TMEM267: variants seen among roughly 807,000 people sequenced by gnomAD.
TMEM267 encodes transmembrane protein 267.
TMEM267 carries 20 observed loss-of-function variants against 19.3 expected under a neutral mutation model. The ratio of observed to expected loss-of-function variants is 1.04; its 90% CI spans 0.73 to 1.51. The LOEUF is 1.51. Among genes scored for constraint, TMEM267 ranks in the 40% most tolerant of loss-of-function variants. TMEM267 has a pLI of 0.00. For synonymous variants in TMEM267, 88 were observed against 90.3 expected, an observed-to-expected ratio of 0.97 and a Z score of 0.15; for missense variants, 242 against 261.9, an observed-to-expected ratio of 0.92 and a Z score of 0.52.
At chr5:43,472,526 A>C (rs1473804733) in intron 1 of TMEM267, among the ~76,000 whole-genome samples, 1 of 152,228 alleles carries the variant, frequency 6.6e-6, no homozygotes, top group Non-Finnish European at 1.5e-5. Context: ...AATAGCTAAG[A>C]TGTGGAAGCA....
At chr5:43,482,131 C>T (rs1017021039) in intron 1 of TMEM267, among the ~76,000 whole-genome samples, 1 of 152,202 alleles carries the variant, frequency 6.6e-6, no homozygotes, top group African/African-American at 2.4e-5. Context: ...GCGTGAGCCA[C>T]GGCGCCTGGC....
At chr5:43,470,203 T>C (rs914644436) in intron 1 of TMEM267, among the ~76,000 whole-genome samples, 4 of 152,296 alleles carry the variant, frequency 2.6e-5, no homozygotes, top group South Asian at 2.1e-4. Context: ...AGTGCAGTGG[T>C]GCAATCTCAG....
intron 1 of TMEM267, among the ~76,000 whole-genome samples, chr5:43,467,084 G>C (rs1443960686): frequency 6.7e-6 from 1 of 150,158 alleles, no homozygotes; most frequent in Non-Finnish European, 1.5e-5. Flanking sequence ...GGGAAGTGGG[G>C]GTTGCAGTGA....
chr5:43,462,058 A>C (rs992249114), intron 1 of TMEM267, among the ~76,000 whole-genome samples: 1 of 152,206 alleles, frequency 6.6e-6, no homozygotes. Flanking sequence ...TGCTTGGGTT[A>C]CTTCACCCTA....
At chr5:43,465,645 A>G (rs573640631) in intron 1 of TMEM267, among the ~76,000 whole-genome samples, 1 of 152,356 alleles carries the variant, frequency 6.6e-6, no homozygotes, top group African/African-American at 2.4e-5. Flanking sequence ...GGATGAGTTC[A>G]TATCCTTTGT....
intron 2 of TMEM267, among the ~76,000 whole-genome samples, chr5:43,447,706 A>G (rs1243760387): frequency 6.6e-6 from 1 of 152,212 alleles, no homozygotes; most frequent in Non-Finnish European, 1.5e-5. Flanking sequence ...ATAAGTATTA[A>G]CATAAACACC....
chr5:43,446,447 C>A lies in TMEM267; in HGVS notation c.423G>T (p.Trp141Cys). ...TMHLFKLKDS[W>C]CFLPWMLFIS... ...TAAATAACATCCAGGGAAGAAAGCA[C>A]CATGAGTCTTTGAGCTTGAAAAGGT... Residue 141 changes from tryptophan (W) to cysteine (C), a missense_variant, in exon 3 of 3, where the codon TGG becomes TGT. Physicochemically the swap from Trp to Cys is radical, Grantham distance 215 (BLOSUM62 -2). Transcript: ENST00000397080. The A allele has an allele frequency of 6.2e-7, 1 of 1,613,806 alleles. No homozygotes were observed. Among genetic ancestry groups the A allele is most frequent in the East Asian group, 2.2e-5 (1 of 44,870 alleles).
chr5:43,447,659 A>T (rs958710353), intron 2 of TMEM267, among the ~76,000 whole-genome samples: 2 of 152,222 alleles, frequency 1.3e-5, no homozygotes, highest in Non-Finnish European at 2.9e-5. Context: ...CCTCAGCATA[A>T]ACAGAAGCCA....
chr5:43,481,922 A>G (rs1256010841), intron 1 of TMEM267, among the ~76,000 whole-genome samples: 1 of 152,164 alleles, frequency 6.6e-6, no homozygotes, highest in Non-Finnish European at 1.5e-5. Flanking sequence ...GGCTCACTGC[A>G]AGCTCCCCCT....
At chr5:43,475,624 G>A (rs527579228) in intron 1 of TMEM267, among the ~76,000 whole-genome samples, 1 of 151,858 alleles carries the variant, frequency 6.6e-6, no homozygotes, top group African/African-American at 2.4e-5. Flanking sequence ...AGGGAGGGAA[G>A]AAAATGTATC....
At chr5:43,479,641 T>C (rs769061006) in intron 1 of TMEM267, among the ~76,000 whole-genome samples, 11 of 152,090 alleles carry the variant, frequency 7.2e-5, no homozygotes, top group African/African-American at 9.7e-5. Flanking sequence ...TATGTAATAA[T>C]AGACACAAGA....
intron 1 of TMEM267, among the ~76,000 whole-genome samples, chr5:43,463,213 C>T (rs6858942): frequency 0.56 from 85,553 of 151,984 alleles, 25,966 homozygotes; most frequent in African/African-American, 0.77. Context: ...TTCCTCGACA[C>T]ATACACCCTC....
chr5:43,483,093 A>G (rs1008238513), intron 1 of TMEM267, among the ~76,000 whole-genome samples: 5 of 152,224 alleles, frequency 3.3e-5, no homozygotes, highest in Non-Finnish European at 5.9e-5. Flanking sequence ...TAAACTTAAT[A>G]TATTTAATTT....
chr5:43,457,694 A>G (rs1176375735), intron 1 of TMEM267, among the ~76,000 whole-genome samples: 1 of 152,230 alleles, frequency 6.6e-6, no homozygotes, highest in African/African-American at 2.4e-5. Context: ...TTGGGTGAGG[A>G]CACAAATCCA....
chr5:43,480,093 T>G, intron 1 of TMEM267: 1 of 262,850 alleles, frequency 3.8e-6, no homozygotes, highest in Non-Finnish European at 7.4e-6. Context: ...TCCACTTAGC[T>G]GGACTGAAAC....
At position 43,453,038 on chromosome 5, in the gene TMEM267, G is replaced by T. The variant is rs763745848; in HGVS notation, c.312+620C>A. On this transcript the variant is annotated intron_variant, in intron 2 of 2. Coordinates refer to ENST00000397080, the MANE Select transcript of TMEM267 (RefSeq NM_022483.5). ...AACATTTTAAGTTTAGTTCATTTGTGAACTATATAACTGAACTCCTGAATG... is the reference window on the plus strand; with the variant it reads ...AACATTTTAAGTTTAGTTCATTTGTTAACTATATAACTGAACTCCTGAATG... 4.9e-4 allele frequency among the ~76,000 whole-genome samples: 75 copies of T among 152,276 alleles called. 2 individuals are homozygous for T. Among genetic ancestry groups the T allele is most frequent in the South Asian group, 6.2e-4 (3 of 4,826 alleles).
chr5:43,483,640 C>T (rs919590394), intron 1 of TMEM267, among the ~76,000 whole-genome samples, 182 bp downstream of exon 1: 2 of 152,188 alleles, frequency 1.3e-5, no homozygotes, highest in Non-Finnish European at 2.9e-5. Context: ...GTCACACGCA[C>T]CCAGGAGGCT....
intron 1 of TMEM267, among the ~76,000 whole-genome samples, chr5:43,458,507 G>A (rs1279594324): frequency 6.6e-6 from 1 of 152,178 alleles, no homozygotes; most frequent in Admixed American, 6.5e-5. Context: ...ATGGTTTCCT[G>A]AAGACAGTAG....
intron 1 of TMEM267, among the ~76,000 whole-genome samples, chr5:43,477,590 C>CAAAAA (rs10717949): frequency 1.2e-5 from 1 of 80,608 alleles, no homozygotes; most frequent in Non-Finnish European, 2.5e-5. Flanking sequence ...GACTCCGTCT[C>CAAAAA]AAAAAAAAAA....
Sources: gnomAD v4.1 joint callset for allele counts (sites outside exome capture counted in the v4.1 genomes callset) on GRCh38, gnomAD v4.1.1 for gene constraint, MANE v1.5 for transcripts, NCBI Gene and HGNC (gene_info 2026-07-23, HGNC 2026-07-21) for gene names.